The following MSI2 variants were observed in gnomAD, a reference collection of about 807,000 sequenced individuals.
The protein encoded by MSI2 is musashi RNA binding protein 2.
In MSI2, 17 loss-of-function variants were observed where a neutral mutation model predicts 45.6. That is an observed-to-expected ratio of 0.37 (90% CI 0.26 to 0.56). The LOEUF (loss-of-function observed/expected upper bound fraction) is 0.56, where lower values mean the gene tolerates loss of function less well. Ranked by LOEUF, MSI2 falls within the 20% of genes least tolerant of loss-of-function variation. MSI2 has a pLI of 0.77. For missense variants in MSI2, 293 were observed against 444.2 expected, an observed-to-expected ratio of 0.66 and a Z score of 3.06; for synonymous variants, 156 against 158.2, an observed-to-expected ratio of 0.99 and a Z score of 0.11.
At chr17:57,675,279 C>T (rs1913145754) in intron 12 of MSI2, among the ~76,000 whole-genome samples, 153 bp downstream of exon 12, 1 of 152,148 alleles carries the variant, frequency 6.6e-6, no homozygotes, top group Non-Finnish European at 1.5e-5. Context: ...GCTGAAGCCT[C>T]CGTCGTCTTA....
intron 6 of MSI2, among the ~76,000 whole-genome samples, chr17:57,415,168 C>T (rs552087879): frequency 5.3e-5 from 8 of 152,186 alleles, no homozygotes; most frequent in African/African-American, 1.4e-4. Context: ...GGATGGGCAT[C>T]GGGCAGTTTC....
At chr17:57,535,732 A>G (rs940073002) in intron 7 of MSI2, among the ~76,000 whole-genome samples, 8 of 152,182 alleles carry the variant, frequency 5.3e-5, no homozygotes, top group African/African-American at 1.9e-4. Flanking sequence ...TGGGCTGGAA[A>G]GGTGCAGTGG....
intron 8 of MSI2, among the ~76,000 whole-genome samples, chr17:57,597,640 T>A (rs562752251): frequency 6.6e-6 from 1 of 151,778 alleles, no homozygotes; most frequent in South Asian, 2.1e-4. Flanking sequence ...AAAATAAAAA[T>A]AAAATAAAAT....
At chr17:57,701,250 C>T in the MSI2 span, among the ~76,000 whole-genome samples, 1 of 152,154 alleles carries the variant, frequency 6.6e-6, no homozygotes, top group Non-Finnish European at 1.5e-5. Context: ...ACCTAAGAAG[C>T]CCGCATGCTT....
At chr17:57,617,163 G>A (rs181595034) in intron 9 of MSI2, among the ~76,000 whole-genome samples, 3 of 152,302 alleles carry the variant, frequency 2.0e-5, no homozygotes, top group Admixed American at 1.3e-4. Context: ...AAACTATTTT[G>A]AGGAACTTTA....
chr17:57,324,199 G>A (rs754102283), intron 5 of MSI2, among the ~76,000 whole-genome samples: 1 of 152,166 alleles, frequency 6.6e-6, no homozygotes, highest in Non-Finnish European at 1.5e-5. Flanking sequence ...TGAGGCCTTG[G>A]AGGAGGGGTG....
chr17:57,476,563 C>A (rs560553499), intron 6 of MSI2, among the ~76,000 whole-genome samples: 71 of 152,318 alleles, frequency 4.7e-4, no homozygotes, highest in African/African-American at 1.7e-3. Context: ...CTTAACAGTT[C>A]AGTACAGAGG....
chr17:57,438,187 C>T (rs964038024), intron 6 of MSI2, among the ~76,000 whole-genome samples: 6 of 152,070 alleles, frequency 3.9e-5, no homozygotes, highest in East Asian at 1.9e-4. Flanking sequence ...TGGCTGGGGA[C>T]GTGCCCAGAG....
rs562106253 is a variant in MSI2, at chr17:57,588,783, G to A, written c.455-8085G>A. The stretch of plus-strand genomic sequence containing the variant: ...TTACAGGGAAACATGACAGAGACAG[G>A]GTTCAGGGGTGCAGTTGTTGGACAA... On this transcript the variant is annotated intron_variant, in intron 7 of 13. Transcript: ENST00000284073. Among the ~76,000 whole-genome samples, 41 of 152,290 alleles carry A rather than the reference G, an allele frequency of 2.7e-4. 1 individual carries two copies. In the South Asian group the frequency reaches 8.5e-3, roughly 32 times the overall value.
At chr17:57,591,976 C>T (rs1450862181) in intron 7 of MSI2, among the ~76,000 whole-genome samples, 1 of 151,868 alleles carries the variant, frequency 6.6e-6, no homozygotes. Flanking sequence ...AGCTCGAGAC[C>T]AGCCTGGCCA....
chr17:57,437,192 TTGGA>T (rs1361156299), intron 6 of MSI2, among the ~76,000 whole-genome samples: 1 of 152,258 alleles, frequency 6.6e-6, no homozygotes, highest in Non-Finnish European at 1.5e-5. Flanking sequence ...AACCTTACTT[TTGGA>T]TTTATTTTAT....
chr17:57,256,779 G>A lies in MSI2; in HGVS notation c.37G>A (p.Ala13Thr). ...ANGSQGTSGS[A>T]NDSQHDPGKM... The stretch of plus-strand genomic sequence containing the variant: ...TGGGAGCCAAGGCACCTCGGGCAGC[G>A]CCAACGACTCCCAGCACGACCCCGG... Residue 13 changes from alanine (A) to threonine (T), a missense_variant, in exon 1 of 14, where the codon GCC becomes ACC. Ala to Thr is a moderately conservative substitution (Grantham distance 58, BLOSUM62 0). Coordinates refer to ENST00000284073, the MANE Select transcript of MSI2 (RefSeq NM_138962.4). 1 of 1,479,148 alleles carries A rather than the reference G, an allele frequency of 6.8e-7. No homozygotes were observed. Among genetic ancestry groups the A allele is most frequent in the South Asian group, 1.3e-5 (1 of 74,310 alleles). The allele number at this position is 1,479,148 out of a possible 1,614,324, so 91.6% of individuals were successfully genotyped here. A position where few individuals can be genotyped will look rare whatever the true frequency, so the allele number is the denominator to read the frequency against.
chr17:57,656,904 G>A (rs1409963729), intron 11 of MSI2, among the ~76,000 whole-genome samples: 1 of 152,188 alleles, frequency 6.6e-6, no homozygotes, highest in African/African-American at 2.4e-5. Context: ...GAGTGCCAGA[G>A]GTCTCTCAGA....
chr17:57,697,793 A>G, the MSI2 span, among the ~76,000 whole-genome samples: 1 of 152,148 alleles, frequency 6.6e-6, no homozygotes, highest in African/African-American at 2.4e-5. Context: ...TGAGAACAGT[A>G]CGGGGGAAAC....
rs201473446 is a variant in MSI2 at position 57,258,398 on chromosome 17, G to A, written c.270+44G>A. 7.2e-5 allele frequency: 108 copies of A among 1,498,352 alleles called. 3 individuals are homozygous for A. In the South Asian group the frequency reaches 1.1e-3, roughly 15 times the overall value. The allele number at this position is 1,498,352 out of a possible 1,614,324, so 92.8% of individuals were successfully genotyped here. Reference sequence around the variant, plus strand: ...TTGTTGTTCGCCCCTTTTCAGGAACGATCTGGGCATTGACAGCCCCATTTA... The same window carrying A: ...TTGTTGTTCGCCCCTTTTCAGGAACAATCTGGGCATTGACAGCCCCATTTA... On this transcript the variant is annotated intron_variant, in intron 4 of 13. Coordinates refer to ENST00000284073, the MANE Select transcript of MSI2 (RefSeq NM_138962.4).
intron 5 of MSI2, among the ~76,000 whole-genome samples, chr17:57,284,084 A>G (rs1471841854): frequency 6.6e-6 from 1 of 152,168 alleles, no homozygotes; most frequent in Admixed American, 6.5e-5. Flanking sequence ...ACACAGCCCC[A>G]GATTTATTTT....
chr17:57,485,118 C>G (rs1301302286), intron 6 of MSI2, among the ~76,000 whole-genome samples: 1 of 152,172 alleles, frequency 6.6e-6, no homozygotes, highest in Non-Finnish European at 1.5e-5. Context: ...AATGGGTGTT[C>G]CCAGAGTGGG....
At chr17:57,531,417 A>G (rs2086819665) in intron 7 of MSI2, among the ~76,000 whole-genome samples, 1 of 152,172 alleles carries the variant, frequency 6.6e-6, no homozygotes. Context: ...AAAAATAACC[A>G]AGGCTCAGAG....
chr17:57,622,256 C>CTG (rs1567942136), intron 9 of MSI2, among the ~76,000 whole-genome samples: 1 of 152,106 alleles, frequency 6.6e-6, no homozygotes, highest in East Asian at 1.9e-4. Context: ...CTTTGCGGCA[C>CTG]CGCACCAAGA....
Sources: gnomAD v4.1 joint callset for allele counts (sites outside exome capture counted in the v4.1 genomes callset) on GRCh38, gnomAD v4.1.1 for gene constraint, MANE v1.5 for transcripts, NCBI Gene and HGNC (gene_info 2026-07-23, HGNC 2026-07-21) for gene names.